The following CLHC1 variants were observed in gnomAD, a reference collection of about 807,000 sequenced individuals.
The protein encoded by CLHC1 is clathrin heavy chain linker domain containing 1.
A neutral mutation model predicts 69.5 loss-of-function variants in CLHC1; 72 were observed. The observed-to-expected ratio is 1.04, with a 90% confidence interval of 0.86 to 1.26. The LOEUF is 1.26. CLHC1 is among the 50% of genes most tolerant of loss of function. The pLI is 0.00. For synonymous variants in CLHC1, 223 were observed against 224.3 expected (o/e 0.99, Z 0.05); for missense variants, 790 against 679.3 (o/e 1.16, Z -1.81).
chr2:55,226,298 G>T (rs538716081), intron 2 of CLHC1, among the ~76,000 whole-genome samples: 1 of 151,818 alleles, frequency 6.6e-6, no homozygotes, highest in Non-Finnish European at 1.5e-5. Context: ...ACTTCAAACA[G>T]AACTCTTGGC....
chr2:55,186,356 C>G (rs982755121), intron 9 of CLHC1, among the ~76,000 whole-genome samples: 2 of 152,158 alleles, frequency 1.3e-5, no homozygotes, highest in Non-Finnish European at 2.9e-5. Context: ...TTATCAGTCA[C>G]ACAAATCAAA....
chr2:55,204,631 T>TTATA, intron 9 of CLHC1, among the ~76,000 whole-genome samples: 1 of 152,052 alleles, frequency 6.6e-6, no homozygotes, highest in African/African-American at 2.4e-5. Context: ...TGATCAACAA[T>TTATA]CCTATGATTA....
intron 9 of CLHC1, among the ~76,000 whole-genome samples, chr2:55,183,512 T>C (rs1467050567): frequency 2.0e-5 from 3 of 152,158 alleles, no homozygotes; most frequent in Non-Finnish European, 4.4e-5. Context: ...AGGTATGAAA[T>C]AAAAAATAGA....
At chr2:55,193,401 T>C (rs945105853) in intron 9 of CLHC1, among the ~76,000 whole-genome samples, 2 of 152,002 alleles carry the variant, frequency 1.3e-5, no homozygotes, top group African/African-American at 4.8e-5. Flanking sequence ...AAGTATCAAA[T>C]AGGGTTTTAA....
At chr2:55,219,929 T>C (rs1261896356) in intron 3 of CLHC1, among the ~76,000 whole-genome samples, 1 of 152,110 alleles carries the variant, frequency 6.6e-6, no homozygotes, top group African/African-American at 2.4e-5. Context: ...AGAGACAGAG[T>C]GTTGCTATGT....
chr2:55,222,175 G>T, intron 3 of CLHC1, 60 bp downstream of exon 3: 1 of 1,186,654 alleles, frequency 8.4e-7, no homozygotes, highest in Non-Finnish European at 1.2e-6. Context: ...AATATTGGTT[G>T]TCAACATAGA....
At chr2:55,219,172 T>C (rs1466940571) in intron 3 of CLHC1, among the ~76,000 whole-genome samples, 1 of 152,192 alleles carries the variant, frequency 6.6e-6, no homozygotes, top group Non-Finnish European at 1.5e-5. Context: ...CCTGGCCATC[T>C]ACTTCATGAA....
At chr2:55,183,324 C>T (rs1232078160) in intron 9 of CLHC1, among the ~76,000 whole-genome samples, 2 of 152,052 alleles carry the variant, frequency 1.3e-5, no homozygotes, top group Non-Finnish European at 2.9e-5. Flanking sequence ...GTGACATGAC[C>T]AAGATATTAT....
chr2:55,223,575 A>G (rs1395668055), intron 2 of CLHC1, among the ~76,000 whole-genome samples: 2 of 152,014 alleles, frequency 1.3e-5, no homozygotes, highest in East Asian at 3.9e-4. Flanking sequence ...GACCGGATGG[A>G]GGAGCGGCGT....
chr2:55,181,349 G>C (rs1388331687), intron 10 of CLHC1, among the ~76,000 whole-genome samples: 2 of 152,072 alleles, frequency 1.3e-5, no homozygotes, highest in African/African-American at 4.8e-5. Context: ...AGATGGTCTT[G>C]AATTCCTGAC....
rs996309291 is a variant in CLHC1 at position 55,175,227 on chromosome 2, A to G, written c.*563T>C. Reference sequence around the variant, plus strand: ...TCGACTGGTCTTCTCTCTAAGTAATAACATGCCAAGAGTCCCAGCTTTTAT... The same window carrying G: ...TCGACTGGTCTTCTCTCTAAGTAATGACATGCCAAGAGTCCCAGCTTTTAT... On this transcript the variant is annotated 3_prime_UTR_variant, in exon 13 of 13. Coordinates refer to ENST00000401408, the MANE Select transcript of CLHC1 (RefSeq NM_152385.4). 2.0e-5 allele frequency: 3 copies of G among 152,272 alleles called. No homozygotes were observed. Among genetic ancestry groups the G allele is most frequent in the African/African-American group, 7.2e-5 (3 of 41,452 alleles). The allele number at this position is 152,272 out of a possible 1,614,324, so 9.4% of individuals were successfully genotyped here.
intron 9 of CLHC1, among the ~76,000 whole-genome samples, chr2:55,204,067 C>A (rs935245972): frequency 6.6e-6 from 1 of 152,150 alleles, no homozygotes; most frequent in Non-Finnish European, 1.5e-5. Flanking sequence ...GGTGGATCAC[C>A]TAAGGTCAGG....
intron 2 of CLHC1, among the ~76,000 whole-genome samples, chr2:55,223,042 C>T (rs1162988949): frequency 1.3e-5 from 2 of 151,912 alleles, no homozygotes; most frequent in Non-Finnish European, 2.9e-5. Flanking sequence ...CACAACTCCT[C>T]TCACATGTAT....
At chr2:55,201,468 T>C (rs559765774) in intron 9 of CLHC1, among the ~76,000 whole-genome samples, 2 of 152,178 alleles carry the variant, frequency 1.3e-5, no homozygotes, top group African/African-American at 2.4e-5. Context: ...TATTGAACCA[T>C]GAAGAAATCC....
intron 9 of CLHC1, among the ~76,000 whole-genome samples, chr2:55,198,147 T>C (rs376840858): frequency 5.3e-5 from 8 of 151,460 alleles, no homozygotes; most frequent in Non-Finnish European, 1.2e-4. Context: ...AAATATACAG[T>C]GAGAGGAAAC....
intron 9 of CLHC1, among the ~76,000 whole-genome samples, chr2:55,188,767 T>A (rs1436759572): frequency 6.6e-6 from 1 of 152,002 alleles, no homozygotes; most frequent in South Asian, 2.1e-4. Context: ...CACAGCTACA[T>A]GTAGAAACAA....
chr2:55,195,096 A>T (rs1337152478), intron 9 of CLHC1, among the ~76,000 whole-genome samples: 1 of 152,070 alleles, frequency 6.6e-6, no homozygotes, highest in East Asian at 1.9e-4. Context: ...AATTTCGATT[A>T]TGCAATATAG....
intron 4 of CLHC1, chr2:55,215,020 G>A (rs1673360267): frequency 1.3e-5 from 2 of 152,080 alleles, no homozygotes; most frequent in African/African-American, 4.8e-5. Context: ...TGATGCTTGG[G>A]ATTCTTTGGG....
intron 9 of CLHC1, among the ~76,000 whole-genome samples, chr2:55,205,536 G>A (rs1421838678): frequency 6.6e-6 from 1 of 152,012 alleles, no homozygotes; most frequent in Non-Finnish European, 1.5e-5. Context: ...AGGAAGAGAG[G>A]GATACTGAGG....
Sources: allele counts gnomAD v4.1 joint callset (sites outside exome capture counted in the v4.1 genomes callset), GRCh38; gene constraint gnomAD v4.1.1; transcripts MANE v1.5; gene names NCBI Gene and HGNC (gene_info 2026-07-23, HGNC 2026-07-21).